NRDE2: variants seen among roughly 807,000 people sequenced by gnomAD.
NRDE2 encodes nuclear exosome regulator NRDE2.
Under a neutral mutation model 124.2 loss-of-function variants are expected in NRDE2, and 76 were observed. The observed-to-expected ratio is 0.61, with a 90% confidence interval of 0.51 to 0.74. The LOEUF is 0.74. Ranked by LOEUF, NRDE2 falls within the 30% of genes least tolerant of loss-of-function variation. The pLI is 0.00. For missense variants in NRDE2, 1,314 were observed against 1,417.3 expected, an observed-to-expected ratio of 0.93 and a Z score of 1.17; for synonymous variants, 489 against 528.1, an observed-to-expected ratio of 0.93 and a Z score of 1.01.
At chr14:90,326,401 G>A (rs1303304310) in intron 1 of NRDE2, among the ~76,000 whole-genome samples, 1 of 151,850 alleles carries the variant, frequency 6.6e-6, no homozygotes, top group African/African-American at 2.4e-5. Flanking sequence ...GGCTGAGGCA[G>A]GAGAATGGCG....
intron 3 of NRDE2, among the ~76,000 whole-genome samples, chr14:90,315,518 G>C (rs1885013379): frequency 6.6e-6 from 1 of 152,126 alleles, no homozygotes; most frequent in South Asian, 2.1e-4. Flanking sequence ...CAATAATTCA[G>C]GTAGTTTCAC....
At chr14:90,291,453 G>A (rs778800915) in intron 9 of NRDE2, among the ~76,000 whole-genome samples, 1 of 152,228 alleles carries the variant, frequency 6.6e-6, no homozygotes, top group Non-Finnish European at 1.5e-5. Context: ...GAAATCGCTT[G>A]CAGCAGCAGT....
At position 90,269,826 on chromosome 14, in the gene NRDE2, G is replaced by A; in HGVS notation, c.*8510C>T. 2.5e-6 allele frequency: 1 copy of A among 401,120 alleles called. No individual in the cohort carries two copies. The highest frequency in any genetic ancestry group is 4.1e-5 in the Admixed American group (1 of 24,144). The allele number at this position is 401,120 out of a possible 1,614,324, so 24.8% of individuals were successfully genotyped here. On this transcript the variant is annotated 3_prime_UTR_variant, in exon 14 of 14. Transcript: ENST00000354366. Reference sequence around the variant, plus strand: ...CAAGAACTTGCTGCTTTTTCTGGAAGAAATAATTCATGTGATGGTAGGATT... The same window carrying A: ...CAAGAACTTGCTGCTTTTTCTGGAAAAAATAATTCATGTGATGGTAGGATT...
Position 90,289,664 on chromosome 14 carries a change from G to A in NRDE2, c.2230-519C>T, listed in dbSNP as rs188524968. Among the ~76,000 whole-genome samples, 46 of 152,218 alleles carry A rather than the reference G, an allele frequency of 3.0e-4. No homozygotes were observed. The East Asian group carries it at 6.2e-3, about 21-fold the overall frequency. The stretch of plus-strand genomic sequence containing the variant: ...GTGCAATGGTGCGATCTCAGTTCAC[G>A]GCAACCTCTACCTTCCATGTTCAAG... On this transcript the variant is annotated intron_variant, in intron 10 of 13. Coordinates refer to ENST00000354366, the MANE Select transcript of NRDE2 (RefSeq NM_017970.4).
Position 90,274,919 on chromosome 14 carries a change from T to A in NRDE2, c.*3417A>T, listed in dbSNP as rs890730927. On this transcript the variant is annotated 3_prime_UTR_variant, in exon 14 of 14. Coordinates refer to ENST00000354366, the MANE Select transcript of NRDE2 (RefSeq NM_017970.4). The stretch of plus-strand genomic sequence containing the variant: ...TTTGAGAGTCTGCCACAAAACACTG[T>A]TCAGTTAGAAAGGGAAAGTCACACT... 4.6e-5 allele frequency: 7 copies of A among 151,884 alleles called. No homozygotes were observed. The highest frequency in any genetic ancestry group is 1.7e-4 in the African/African-American group (7 of 41,290). 9.4% of individuals were successfully genotyped at this position (151,884 alleles called of 1,614,324 possible).
Position 90,301,298 on chromosome 14 carries a change from T to A in NRDE2, c.1486A>T (p.Met496Leu), listed in dbSNP as rs199759819. ...SEKAISLFQA[M>L]VDFTFFKPDS... is the part of the protein sequence containing the mutation. ...GGTTTGAAGAAGGTGAAGTCCACCA[T>A]GGCCTGGAACAATGAGATGGCCTTC... The change falls in exon 7 of 14, where the codon ATG becomes TTG. Residue 496 changes from methionine to leucine, a missense_variant. Transcript: ENST00000354366. 2.5e-4 allele frequency: 404 copies of A among 1,613,764 alleles called. No individual in the cohort carries two copies. Among genetic ancestry groups the A allele is most frequent in the Non-Finnish European group, 3.3e-4 (391 of 1,179,848 alleles).
chr14:90,286,550 A>C, intron 11 of NRDE2, 58 bp from the exon 12 acceptor site: 1 of 1,578,462 alleles, frequency 6.3e-7, no homozygotes. Context: ...ACATCACAGA[A>C]GGAAGAGATG....
At position 90,316,810 on chromosome 14, in the gene NRDE2, T is replaced by G; in HGVS notation, c.175A>C (p.Ser59Arg). The change falls in exon 3 of 14, where the codon AGT becomes CGT. Residue 59 changes from serine (S) to arginine (R), a missense_variant and splice_region_variant. Coordinates refer to ENST00000354366, the MANE Select transcript of NRDE2 (RefSeq NM_017970.4). ...HVSEGLPLTR[S>R]HLKSESSDES... is the part of the protein sequence containing the mutation. ...TCTGAAGACTCTGATTTCAGATGAC[T>G]CCTGTTTGGGAAAATCAACTTTAAA... 1 of 1,579,506 alleles carries G rather than the reference T, an allele frequency of 6.3e-7. No homozygotes were observed. The highest frequency in any genetic ancestry group is 8.6e-7 in the Non-Finnish European group (1 of 1,164,048).
chr14:90,303,358 C>T (rs1309864377), intron 5 of NRDE2, among the ~76,000 whole-genome samples: 1 of 152,224 alleles, frequency 6.6e-6, no homozygotes, highest in African/African-American at 2.4e-5. Flanking sequence ...TTGATTTCTG[C>T]ATCAATGACT....
In NRDE2 at chr14:90,269,642, A is replaced by G. The variant is rs531187440; in HGVS notation, c.*8694T>C. On this transcript the variant is annotated 3_prime_UTR_variant, in exon 14 of 14. Coordinates refer to ENST00000354366, the MANE Select transcript of NRDE2 (RefSeq NM_017970.4). ...GAGGCCTATAAAATGATACATAAAA[A>G]AGCAAATACTGCAGTGAAACTTAGG... The G allele has an allele frequency of 9.3e-4, 1,265 of 1,364,690 alleles. 3 individuals are homozygous for G. Among genetic ancestry groups the G allele is most frequent in the South Asian group, 1.2e-3 (86 of 72,762 alleles). The allele number at this position is 1,364,690 out of a possible 1,614,324, so 84.5% of individuals were successfully genotyped here. A position where few individuals can be genotyped will look rare whatever the true frequency, so the allele number is the denominator to read the frequency against.
rs1438225872 is a variant in NRDE2, at chr14:90,289,155, A to G, written c.2230-10T>C. The G allele has an allele frequency of 6.3e-7, 1 of 1,581,550 alleles. No homozygotes were observed. The highest frequency in any genetic ancestry group is 1.8e-5 in the Admixed American group (1 of 56,922). Reference sequence around the variant, plus strand: ...GCAGGCACCAAATGACCTACAGGGAAAAAGAGAAGAATGACTGCAGGTGCT... The same window carrying G: ...GCAGGCACCAAATGACCTACAGGGAGAAAGAGAAGAATGACTGCAGGTGCT... On this transcript the variant is annotated splice_polypyrimidine_tract_variant and intron_variant, in intron 10 of 13. Transcript: ENST00000354366.
intron 6 of NRDE2, 119 bp downstream of exon 6, chr14:90,302,601 A>G: frequency 8.8e-7 from 1 of 1,133,102 alleles, no homozygotes; most frequent in Non-Finnish European, 1.2e-6. Context: ...TAAAAAAATC[A>G]GTTCTATCAA....
In NRDE2 at chr14:90,278,291, T is replaced by C. The variant is rs1185430836; in HGVS notation, c.*45A>G. ...GCTCGCGCCTCCTAGCTCCGCAGGG[T>C]GGGCAACTTGGCCTCGCAGGCACAG... On this transcript the variant is annotated 3_prime_UTR_variant, in exon 14 of 14. Coordinates refer to ENST00000354366, the MANE Select transcript of NRDE2 (RefSeq NM_017970.4). 5 of 1,612,780 alleles carry C rather than the reference T, an allele frequency of 3.1e-6. No individual in the cohort carries two copies. Among genetic ancestry groups the C allele is most frequent in the East Asian group, 4.5e-5 (2 of 44,846 alleles).
At chr14:90,324,486 G>A (rs1885349232) in intron 1 of NRDE2, among the ~76,000 whole-genome samples, 1 of 151,934 alleles carries the variant, frequency 6.6e-6, no homozygotes, top group Non-Finnish European at 1.5e-5. Context: ...GACTAGCCTG[G>A]CCAACATGGT....
chr14:90,303,537 C>G (rs758371812), intron 5 of NRDE2, among the ~76,000 whole-genome samples: 1 of 152,188 alleles, frequency 6.6e-6, no homozygotes, highest in Non-Finnish European at 1.5e-5. Context: ...ATACACTGAA[C>G]AGCCCTCTCT....
chr14:90,319,975 CTTTT>C (rs1885185586), intron 1 of NRDE2, among the ~76,000 whole-genome samples: 1 of 152,144 alleles, frequency 6.6e-6, no homozygotes, highest in African/African-American at 2.4e-5. Context: ...TCTCCATATC[CTTTT>C]TTGTCATATT....
intron 8 of NRDE2, among the ~76,000 whole-genome samples, chr14:90,294,203 CA>C (rs773617582): frequency 1.5e-4 from 23 of 152,142 alleles, no homozygotes; most frequent in Non-Finnish European, 2.9e-4. Context: ...AAAAGTTACA[CA>C]AAACACAACT....
chr14:90,304,358 G>A lies in NRDE2; in HGVS notation c.582C>T (p.Cys194=), dbSNP rs749327168. The stretch of plus-strand genomic sequence containing the variant: ...ACTGCTTCTTAGGGTTAATGCCAAG[G>A]CAGGAGTCTCCTTTCCTCTTGTATC... ...IARYKRKGDS[C]LGINPKKQCI... is the part of the protein sequence containing the mutation. The change falls in exon 5 of 14, where the codon TGC becomes TGT. Residue 194 remains cysteine, a synonymous_variant. Coordinates refer to ENST00000354366, the MANE Select transcript of NRDE2 (RefSeq NM_017970.4). 1 of 1,609,412 alleles carries A rather than the reference G, an allele frequency of 6.2e-7. No homozygotes were observed.
At chr14:90,315,957 C>CAAAAAA (rs59604203) in intron 3 of NRDE2, among the ~76,000 whole-genome samples, 17 of 74,374 alleles carry the variant, frequency 2.3e-4, no homozygotes, top group South Asian at 4.8e-4. Context: ...AACCCCGTCT[C>CAAAAAA]AAAAAAAAAA....
Sources: gnomAD v4.1 joint callset for allele counts (sites outside exome capture counted in the v4.1 genomes callset) on GRCh38, gnomAD v4.1.1 for gene constraint, MANE v1.5 for transcripts, NCBI Gene and HGNC (gene_info 2026-07-23, HGNC 2026-07-21) for gene names.